Variants in CDH13 observed in about 807,000 individuals in gnomAD.
CDH13 encodes cadherin-13.
A neutral mutation model predicts 63.8 loss-of-function variants in CDH13; 24 were observed. The ratio of observed to expected loss-of-function variants is 0.38; its 90% CI spans 0.27 to 0.53. The LOEUF (loss-of-function observed/expected upper bound fraction) is 0.53, where lower values mean the gene tolerates loss of function less well. Among genes scored for constraint, CDH13 ranks in the 20% least tolerant of loss-of-function variants. The pLI, the probability that CDH13 is intolerant of heterozygous loss-of-function variation, is 0.85. For missense variants in CDH13, 1,049 were observed against 903.1 expected (o/e 1.16, Z -2.07); for synonymous variants, 503 against 355.3 (o/e 1.42, Z -4.67).
At chr16:83,603,717 C>T (rs901357979) in intron 8 of CDH13, among the ~76,000 whole-genome samples, 1 of 152,162 alleles carries the variant, frequency 6.6e-6, no homozygotes, top group Admixed American at 6.5e-5. Context: ...TCTCAACCCC[C>T]GAGTTCCCCA....
At chr16:83,171,396 A>C in intron 4 of CDH13, 2 of 791,922 alleles carry the variant, frequency 2.5e-6, no homozygotes, top group South Asian at 1.6e-5. Context: ...CACCTCCAAC[A>C]TGGGGGATTA....
At chr16:83,543,931 G>C (rs1348709551) in intron 7 of CDH13, among the ~76,000 whole-genome samples, 1 of 152,212 alleles carries the variant, frequency 6.6e-6, no homozygotes, top group Non-Finnish European at 1.5e-5. Context: ...CACCCCATCA[G>C]TGACACTTGA....
intron 6 of CDH13, among the ~76,000 whole-genome samples, chr16:83,404,069 A>T (rs1029300350): frequency 6.6e-6 from 1 of 152,220 alleles, no homozygotes; most frequent in Non-Finnish European, 1.5e-5. Flanking sequence ...ATTGCAGATT[A>T]AAAATCCCAC....
chr16:82,858,122 G>A (rs1173997423), intron 1 of CDH13, among the ~76,000 whole-genome samples: 7 of 152,156 alleles, frequency 4.6e-5, no homozygotes, highest in East Asian at 1.9e-4. Context: ...AAAATCTGAC[G>A]AAGTTATTTC....
chr16:82,720,590 G>A (rs1482764407), intron 1 of CDH13, among the ~76,000 whole-genome samples: 1 of 151,838 alleles, frequency 6.6e-6, no homozygotes, highest in African/African-American at 2.4e-5. Flanking sequence ...GATGTGGGAG[G>A]AAACCAGAGG....
At chr16:83,340,653 C>G (rs1597788953) in intron 5 of CDH13, among the ~76,000 whole-genome samples, 1 of 152,150 alleles carries the variant, frequency 6.6e-6, no homozygotes. Context: ...ACCGAGGAGC[C>G]TGCATTTCTA....
At chr16:82,870,610 A>G (rs1330206613) in intron 2 of CDH13, among the ~76,000 whole-genome samples, 1 of 152,182 alleles carries the variant, frequency 6.6e-6, no homozygotes, top group Non-Finnish European at 1.5e-5. Context: ...AATTTATTAT[A>G]TATTTTACAT....
At chr16:82,875,432 C>A (rs1183039454) in intron 2 of CDH13, among the ~76,000 whole-genome samples, 2 of 152,172 alleles carry the variant, frequency 1.3e-5, no homozygotes, top group African/African-American at 4.8e-5. Context: ...GTCACAGGTT[C>A]ATCCAAAGAC....
intron 2 of CDH13, among the ~76,000 whole-genome samples, chr16:82,882,682 C>G (rs938465443): frequency 2.0e-5 from 3 of 151,958 alleles, no homozygotes; most frequent in African/African-American, 7.3e-5. Flanking sequence ...CTCTCTCTCC[C>G]TTTCTTCCTT....
chr16:83,257,091 C>G (rs1321162539), intron 5 of CDH13, among the ~76,000 whole-genome samples: 1 of 151,866 alleles, frequency 6.6e-6, no homozygotes, highest in Non-Finnish European at 1.5e-5. Context: ...CATACAGGCA[C>G]CTAGGAATAC....
At position 82,952,692 on chromosome 16, in the gene CDH13, A is replaced by C. The variant is rs547355063; in HGVS notation, c.158-79318A>C. The stretch of plus-strand genomic sequence containing the variant: ...CTGTGAACTTTTTGGTATTTATTTT[A>C]CATATTAGGAATCCTGGTGGGCCAA... On this transcript the variant is annotated intron_variant, in intron 2 of 13. Transcript: ENST00000567109. Among the ~76,000 whole-genome samples, 4 of 152,268 alleles carry C rather than the reference A, an allele frequency of 2.6e-5. No homozygotes were observed. The South Asian group carries it at 8.3e-4, about 32-fold the overall frequency.
intron 1 of CDH13, among the ~76,000 whole-genome samples, chr16:82,635,438 A>T (rs1457680279): frequency 6.6e-6 from 1 of 152,202 alleles, no homozygotes; most frequent in Non-Finnish European, 1.5e-5. Flanking sequence ...CCACACAGCC[A>T]AGGCAGTGAT....
At chr16:82,859,197 C>T (rs909844552) in intron 2 of CDH13, 6 of 152,218 alleles carry the variant, frequency 3.9e-5, no homozygotes, top group African/African-American at 1.4e-4. Context: ...ATAGCTATTT[C>T]ATTGTAGGCT....
intron 6 of CDH13, among the ~76,000 whole-genome samples, chr16:83,376,059 G>T (rs59044532): frequency 0.12 from 18,489 of 152,220 alleles, 1,853 homozygotes; most frequent in African/African-American, 0.27. Flanking sequence ...GTATTGTGAA[G>T]AATCTTTCTT....
rs188023801 is a variant in CDH13 at position 83,284,341 on chromosome 16, G to C, written c.637-60521G>C. ...CTGTTTGACTTTGAGCAAATTGCCT[G>C]TTAGACCATAAAATCCTTATCTGAA... On this transcript the variant is annotated intron_variant, in intron 5 of 13. Transcript: ENST00000567109. Among the ~76,000 whole-genome samples the C allele has an allele frequency of 4.6e-5, 7 of 152,260 alleles. No homozygotes were observed. In the East Asian group the frequency reaches 1.4e-3, roughly 29 times the overall value.
At chr16:83,393,109 A>G (rs2091820062) in intron 6 of CDH13, among the ~76,000 whole-genome samples, 1 of 152,184 alleles carries the variant, frequency 6.6e-6, no homozygotes, top group Non-Finnish European at 1.5e-5. Context: ...ACAAAGTGTC[A>G]CCAATATCTA....
chr16:83,539,633 C>T (rs1015502836), intron 7 of CDH13, among the ~76,000 whole-genome samples: 3 of 152,212 alleles, frequency 2.0e-5, no homozygotes, highest in Admixed American at 2.0e-4. Flanking sequence ...ATAATTCTAG[C>T]TGATATTTTC....
intron 5 of CDH13, among the ~76,000 whole-genome samples, chr16:83,337,621 A>ATTTTTTTTTTTT (rs66957563): frequency 5.7e-5 from 3 of 52,246 alleles, no homozygotes; most frequent in African/African-American, 8.2e-5. Context: ...TGACAAGCGT[A>ATTTTTTTTTTTT]TTTTTTTTTT....
intron 1 of CDH13, among the ~76,000 whole-genome samples, chr16:82,669,252 G>A (rs547016738): frequency 3.3e-5 from 5 of 152,336 alleles, no homozygotes; most frequent in East Asian, 1.9e-4. Flanking sequence ...TGTTAGATAC[G>A]ATGAAGTTCC....
Sources: gnomAD v4.1 joint callset for allele counts (sites outside exome capture counted in the v4.1 genomes callset) on GRCh38, gnomAD v4.1.1 for gene constraint, MANE v1.5 for transcripts, NCBI Gene and HGNC (gene_info 2026-07-23, HGNC 2026-07-21) for gene names.